Variants in CLDN10 observed in about 807,000 individuals in gnomAD.
CLDN10 encodes claudin-10.
CLDN10 carries 15 observed loss-of-function variants against 22.9 expected under a neutral mutation model. The observed-to-expected ratio is 0.65, with a 90% CI of 0.44 to 1.01. The LOEUF is 1.01. Among genes scored for constraint, CLDN10 ranks in the 50% least tolerant of loss-of-function variants. The probability of loss-of-function intolerance (pLI) is 0.00; values close to 1 mark genes in which losing one functional copy is unlikely to be tolerated. For missense variants in CLDN10, 247 were observed against 287.8 expected (o/e 0.86, Z 1.03); for synonymous variants, 114 against 111.4 (o/e 1.02, Z -0.15).
intron 1 of CLDN10, among the ~76,000 whole-genome samples, chr13:95,534,893 G>A (rs954073345): frequency 1.3e-5 from 2 of 151,908 alleles, no homozygotes; most frequent in African/African-American, 2.4e-5. Flanking sequence ...TTCTCAAAGC[G>A]CTCACAGCTC....
At chr13:95,509,925 A>T (rs560716216) in intron 1 of CLDN10, among the ~76,000 whole-genome samples, 1 of 152,176 alleles carries the variant, frequency 6.6e-6, no homozygotes, top group Non-Finnish European at 1.5e-5. Context: ...GCTGGTAAAC[A>T]TTTAAAAGGT....
At chr13:95,480,526 T>C (rs1313253879) in intron 1 of CLDN10, among the ~76,000 whole-genome samples, 1 of 152,172 alleles carries the variant, frequency 6.6e-6, no homozygotes, top group Non-Finnish European at 1.5e-5. Context: ...TGGTTCCTTT[T>C]CTTCTCCCCT....
At chr13:95,549,847 T>A (rs553155819), upstream of CLDN10, among the ~76,000 whole-genome samples, 1 of 152,360 alleles carries the variant, frequency 6.6e-6, no homozygotes, top group Admixed American at 6.5e-5. Flanking sequence ...AATTTATGGA[T>A]TGTTTGTGGT....
intron 1 of CLDN10, among the ~76,000 whole-genome samples, chr13:95,517,777 T>C (rs1452925251): frequency 1.3e-5 from 2 of 151,574 alleles, no homozygotes; most frequent in African/African-American, 2.4e-5. Flanking sequence ...CTACTAAAAA[T>C]GCAAAAATTA....
chr13:95,458,123 A>G (rs1174812298), intron 1 of CLDN10, among the ~76,000 whole-genome samples: 1 of 152,184 alleles, frequency 6.6e-6, no homozygotes, highest in Non-Finnish European at 1.5e-5. Flanking sequence ...GCCTGAGCAT[A>G]TACTTTTCAT....
upstream of CLDN10, among the ~76,000 whole-genome samples, chr13:95,550,109 G>A (rs751670953): frequency 6.6e-6 from 1 of 152,192 alleles, no homozygotes; most frequent in Non-Finnish European, 1.5e-5. Flanking sequence ...AGAGATTCTG[G>A]CTTCACTGGT....
intron 1 of CLDN10, among the ~76,000 whole-genome samples, chr13:95,559,671 C>T (rs1273489699): frequency 1.3e-5 from 2 of 152,108 alleles, no homozygotes; most frequent in Non-Finnish European, 2.9e-5. Context: ...ATGTCAAAAC[C>T]ATTAAAACAC....
intron 1 of CLDN10, among the ~76,000 whole-genome samples, chr13:95,504,990 C>T (rs2043023452): frequency 6.6e-6 from 1 of 152,182 alleles, no homozygotes; most frequent in South Asian, 2.1e-4. Context: ...CTGCTCTTCC[C>T]CCAACTCAAG....
intron 1 of CLDN10, among the ~76,000 whole-genome samples, chr13:95,456,018 G>A (rs2042479052): frequency 1.3e-5 from 2 of 152,204 alleles, no homozygotes; most frequent in Non-Finnish European, 2.9e-5. Context: ...AGATGACTTA[G>A]CAGAAATCCC....
At chr13:95,571,535 A>G (rs1028063563) in intron 3 of CLDN10, among the ~76,000 whole-genome samples, 2 of 152,164 alleles carry the variant, frequency 1.3e-5, no homozygotes, top group African/African-American at 4.8e-5. Context: ...GGGGAGGCTG[A>G]GCGTCTCATA....
At position 95,553,105 on chromosome 13, in the gene CLDN10, A is replaced by C. The variant is rs1886855; in HGVS notation, c.220+132A>C. ...CTCTGAGGCCCGACCCGTCTCTCCC[A>C]ACAGGGCCTTAGGGAGCCAGGGACG... On this transcript the variant is annotated intron_variant, in intron 1 of 4. Coordinates refer to ENST00000299339, the MANE Select transcript of CLDN10 (RefSeq NM_006984.5). The C allele has an allele frequency of 1, 1,270,867 of 1,273,632 alleles. 634,101 individuals are homozygous for C. Among genetic ancestry groups the C allele is most frequent in the East Asian group, 1 (39,354 of 39,354 alleles). The allele number at this position is 1,273,632 out of a possible 1,614,324, so 78.9% of individuals were successfully genotyped here. A position where few individuals can be genotyped will look rare whatever the true frequency, so the allele number is the denominator to read the frequency against.
At chr13:95,446,483 G>A (rs1052736799) in intron 1 of CLDN10, among the ~76,000 whole-genome samples, 1 of 152,230 alleles carries the variant, frequency 6.6e-6, no homozygotes, top group Non-Finnish European at 1.5e-5. Context: ...AATTGAAGCA[G>A]TAAATGTTAT....
intron 1 of CLDN10, among the ~76,000 whole-genome samples, chr13:95,460,684 G>A (rs2139088676): frequency 6.6e-6 from 1 of 152,300 alleles, no homozygotes; most frequent in South Asian, 2.1e-4. Context: ...GATATTGGGT[G>A]AGGACACAGC....
intron 1 of CLDN10, among the ~76,000 whole-genome samples, chr13:95,476,858 C>A (rs1014515548): frequency 2.0e-5 from 3 of 152,124 alleles, no homozygotes; most frequent in Non-Finnish European, 4.4e-5. Context: ...TCTCCAAGTT[C>A]AGAATTTTTC....
intron 1 of CLDN10, among the ~76,000 whole-genome samples, chr13:95,446,612 C>T (rs1319344997): frequency 4.6e-5 from 7 of 151,924 alleles, no homozygotes; most frequent in East Asian, 1.9e-4. Context: ...GAGGCCAAGG[C>T]GGGAGGATCA....
chr13:95,490,941 G>T (rs61973024), intron 1 of CLDN10, among the ~76,000 whole-genome samples: 1 of 152,198 alleles, frequency 6.6e-6, no homozygotes, highest in African/African-American at 2.4e-5. Context: ...TGGAGCTCCA[G>T]TGTTAGGTGC....
intron 1 of CLDN10, among the ~76,000 whole-genome samples, chr13:95,435,829 A>G (rs1379425411): frequency 2.0e-5 from 3 of 151,918 alleles, no homozygotes; most frequent in Non-Finnish European, 2.9e-5. Flanking sequence ...CAATTATTAT[A>G]TATATTTTTT....
rs1307369955 is a variant in CLDN10, at chr13:95,464,151, G to A, written c.214+30104G>A. On this transcript the variant is annotated intron_variant, in intron 1 of 4. Coordinates refer to the CLDN10 transcript ENST00000376873. ...AAGTTCTAGGGTACATGTGCACAAC[G>A]TGCAGGTTTGTTACATATGTATACA... Among the ~76,000 whole-genome samples, 7 of 151,522 alleles carry A rather than the reference G, an allele frequency of 4.6e-5. No homozygotes were observed. The South Asian group carries it at 1.3e-3, about 27-fold the overall frequency.
chr13:95,559,702 G>A (rs368183476), intron 1 of CLDN10, among the ~76,000 whole-genome samples: 18 of 152,228 alleles, frequency 1.2e-4, no homozygotes, highest in South Asian at 8.3e-4. Flanking sequence ...TCCAATGAGC[G>A]GAGGAGCTAC....
Sources: allele counts gnomAD v4.1 joint callset (sites outside exome capture counted in the v4.1 genomes callset), GRCh38; gene constraint gnomAD v4.1.1; transcripts MANE v1.5; gene names NCBI Gene and HGNC (gene_info 2026-07-23, HGNC 2026-07-21).